Variants in OR4Q3 observed in about 807,000 individuals in gnomAD.
OR4Q3 encodes olfactory receptor family 4 subfamily Q member 3, also known as olfactory receptor 4Q3.
In OR4Q3, 17 loss-of-function variants were observed where a neutral mutation model predicts 18.8. The observed-to-expected ratio is 0.91, with a 90% confidence interval of 0.62 to 1.36. The LOEUF is 1.36. OR4Q3 is among the 40% of genes most tolerant of loss of function. The pLI, the probability that OR4Q3 is intolerant of heterozygous loss-of-function variation, is 0.00. For missense variants in OR4Q3, 378 were observed against 373.4 expected (o/e 1.01, Z -0.10); for synonymous variants, 158 against 145.8 (o/e 1.08, Z -0.60).
At chr14:19,746,995 C>T in intron 1 of OR4Q3, among the ~76,000 whole-genome samples, 1 of 152,200 alleles carries the variant, frequency 6.6e-6, no homozygotes, top group Non-Finnish European at 1.5e-5. Context: ...ATTGAATAAC[C>T]AAGGAATAAA....
chr14:19,749,599 C>T, downstream of OR4Q3: 3 of 6,752 alleles, frequency 4.4e-4, no homozygotes, highest in Admixed American at 9.1e-3. Flanking sequence ...AACTCGGTCT[C>T]AAAGCAAAAA....
chr14:19,749,790 TTCTTTCTCTC>T, downstream of OR4Q3, among the ~76,000 whole-genome samples: 3 of 96,966 alleles, frequency 3.1e-5, no homozygotes, highest in Non-Finnish European at 7.2e-5. Flanking sequence ...TTCTCTTTCT[TTCTTTCTCTC>T]TCTTTCTCTC....
exon 2 of OR4Q3, chr14:19,748,633 G>C: frequency 4.5e-6 from 2 of 446,510 alleles, no homozygotes; most frequent in Non-Finnish European, 7.9e-6. Flanking sequence ...TTAATTGAAA[G>C]ATCAACTTTT....
exon 2 of OR4Q3, chr14:19,747,593 C>A: frequency 6.2e-7 from 1 of 1,613,958 alleles, no homozygotes; most frequent in Non-Finnish European, 8.5e-7. Context: ...TGCTCACCTG[C>A]TCCAATCTCC....
At chr14:19,746,469 G>A in intron 1 of OR4Q3, among the ~76,000 whole-genome samples, 1 of 152,104 alleles carries the variant, frequency 6.6e-6, no homozygotes, top group African/African-American at 2.4e-5. Context: ...CACAACTCTG[G>A]TTTCTCTTAT....
exon 2 of OR4Q3, chr14:19,748,418 C>A: frequency 3.6e-6 from 5 of 1,391,062 alleles, no homozygotes; most frequent in Non-Finnish European, 4.9e-6. Flanking sequence ...TCTTGGAAGA[C>A]TCTTAACTCA....
chr14:19,745,980 G>A lies in OR4Q3; in HGVS notation c.3-1426G>A. 9.9e-5 allele frequency among the ~76,000 whole-genome samples: 15 copies of A among 152,278 alleles called. 1 individual carries two copies. In the South Asian group the frequency reaches 1.0e-3, roughly 11 times the overall value. ...TGACAGAGGCATCCAAAGGTGGCTT[G>A]AGTCCCAAATCTCTCTCTCACTGGC... On this transcript the variant is annotated intron_variant, in intron 1 of 1. Coordinates refer to ENST00000642117, the Ensembl canonical transcript of OR4Q3.
downstream of OR4Q3, among the ~76,000 whole-genome samples, chr14:19,751,322 A>T: frequency 6.6e-6 from 1 of 152,182 alleles, no homozygotes; most frequent in Non-Finnish European, 1.5e-5. Context: ...GTTCATCAGG[A>T]TATTGGCCTG....
chr14:19,748,244 T>C, exon 2 of OR4Q3: 3 of 1,613,978 alleles, frequency 1.9e-6, no homozygotes, highest in Non-Finnish European at 2.5e-6. Flanking sequence ...TAAGATATTC[T>C]CCTTGTTTTA....
At chr14:19,745,949 A>G in intron 1 of OR4Q3, among the ~76,000 whole-genome samples, 2 of 152,184 alleles carry the variant, frequency 1.3e-5, no homozygotes, top group East Asian at 1.9e-4. Flanking sequence ...GGTCACAATC[A>G]TGGTGTGACA....
chr14:19,750,617 C>T, downstream of OR4Q3, among the ~76,000 whole-genome samples: 69 of 152,230 alleles, frequency 4.5e-4, no homozygotes, highest in Admixed American at 1.4e-3. Context: ...TAACCCTGGT[C>T]GTGTAAGAGC....
At chr14:19,748,181 T>C in exon 2 of OR4Q3, 1 of 1,614,138 alleles carries the variant, frequency 6.2e-7, no homozygotes, top group Non-Finnish European at 8.5e-7. Flanking sequence ...CAGCCTGATC[T>C]TCGTGCCATG....
At chr14:19,749,888 TTC>T, downstream of OR4Q3, among the ~76,000 whole-genome samples, 35 of 21,084 alleles carry the variant, frequency 1.7e-3, no homozygotes, top group South Asian at 8.6e-3. Flanking sequence ...CTTTCTTTCT[TTC>T]TTTCTTTCTT....
chr14:19,748,075 A>C, exon 2 of OR4Q3: 1 of 1,614,052 alleles, frequency 6.2e-7, no homozygotes, highest in Non-Finnish European at 8.5e-7. Context: ...TGGTCTTACT[A>C]TTCTCTTATG....
downstream of OR4Q3, among the ~76,000 whole-genome samples, chr14:19,749,694 T>C: frequency 2.0e-5 from 3 of 149,484 alleles, no homozygotes; most frequent in African/African-American, 7.4e-5. Flanking sequence ...AGAAAGAGTA[T>C]TTATCCCAAT....
rs927252026 is a variant in OR4Q3 at position 19,743,904 on chromosome 14, T to G, written c.2+233T>G. ...AGGAATTCTAGGGCTAGTGGCATCT[T>G]AGAAGACAGTTGCAATATTTGGATA... On this transcript the variant is annotated intron_variant, in intron 1 of 1. Coordinates refer to ENST00000642117, the Ensembl canonical transcript of OR4Q3. Among the ~76,000 whole-genome samples, 3 of 152,324 alleles carry G rather than the reference T, an allele frequency of 2.0e-5. No individual in the cohort carries two copies. In the South Asian group the frequency reaches 6.2e-4, roughly 32 times the overall value.
intron 1 of OR4Q3, among the ~76,000 whole-genome samples, chr14:19,746,215 A>C: frequency 6.6e-6 from 1 of 152,008 alleles, no homozygotes. Context: ...GTCTTATTTC[A>C]TATTTTGTCT....
chr14:19,751,181 A>G, downstream of OR4Q3, among the ~76,000 whole-genome samples: 1 of 152,254 alleles, frequency 6.6e-6, no homozygotes, highest in African/African-American at 2.4e-5. Flanking sequence ...AGAGCTTTTT[A>G]TATTCCCTTT....
chr14:19,746,113 A>G, intron 1 of OR4Q3, among the ~76,000 whole-genome samples: 2 of 152,008 alleles, frequency 1.3e-5, no homozygotes, highest in Admixed American at 1.3e-4. Flanking sequence ...GATATCTAGT[A>G]TGAAGGATTT....
Sources: allele counts gnomAD v4.1 joint callset (sites outside exome capture counted in the v4.1 genomes callset), GRCh38; gene constraint gnomAD v4.1.1; transcripts MANE v1.5; gene names NCBI Gene and HGNC (gene_info 2026-07-23, HGNC 2026-07-21).